PRKG1: variants seen among roughly 807,000 people sequenced by gnomAD.
PRKG1 encodes protein kinase cGMP-dependent 1.
In PRKG1, 35 loss-of-function variants were observed where a neutral mutation model predicts 88.1. The ratio of observed to expected loss-of-function variants is 0.40; its 90% CI spans 0.30 to 0.53. The LOEUF (loss-of-function observed/expected upper bound fraction) is 0.53. Ranked by LOEUF, PRKG1 falls within the 20% of genes least tolerant of loss-of-function variation. The pLI is 0.59. For synonymous variants in PRKG1, 303 were observed against 292.5 expected (o/e 1.04, Z -0.37); for missense variants, 540 against 839.8 (o/e 0.64, Z 4.41).
intron 4 of PRKG1, among the ~76,000 whole-genome samples, chr10:51,866,295 C>G (rs1295883400): frequency 6.6e-6 from 1 of 151,750 alleles, no homozygotes; most frequent in Non-Finnish European, 1.5e-5. Context: ...ATAATCAAAT[C>G]ACAGAATGGT....
intron 3 of PRKG1, among the ~76,000 whole-genome samples, chr10:51,499,231 C>T (rs1840952297): frequency 6.6e-6 from 1 of 152,110 alleles, no homozygotes; most frequent in Non-Finnish European, 1.5e-5. Flanking sequence ...GATACTTGGC[C>T]TTCTAGAAGA....
intron 2 of PRKG1, among the ~76,000 whole-genome samples, chr10:51,243,135 G>A (rs1839198554): frequency 6.6e-6 from 1 of 152,150 alleles, no homozygotes; most frequent in Non-Finnish European, 1.5e-5. Context: ...GGGATTGTAA[G>A]CCCCTTAGCC....
intron 14 of PRKG1, among the ~76,000 whole-genome samples, chr10:52,287,939 T>C (rs1324726672): frequency 6.6e-6 from 1 of 151,996 alleles, no homozygotes; most frequent in East Asian, 1.9e-4. Flanking sequence ...GAAAACAAAC[T>C]CTTCTGGAAG....
chr10:51,626,545 A>C (rs1241787167), intron 3 of PRKG1, among the ~76,000 whole-genome samples: 1 of 152,200 alleles, frequency 6.6e-6, no homozygotes, highest in Non-Finnish European at 1.5e-5. Context: ...ACTTTTGTCC[A>C]AACAACCCAC....
chr10:51,526,846 A>G, intron 3 of PRKG1, among the ~76,000 whole-genome samples: 1 of 152,158 alleles, frequency 6.6e-6, no homozygotes, highest in East Asian at 1.9e-4. Context: ...ACTTCTCTGT[A>G]CATTAGACCC....
intron 1 of PRKG1, among the ~76,000 whole-genome samples, chr10:51,032,154 C>T (rs1843291807): frequency 2.6e-5 from 4 of 152,142 alleles, no homozygotes; most frequent in South Asian, 2.1e-4. Context: ...GTCCTTGGAA[C>T]TCAGCAGAGA....
intron 10 of PRKG1, among the ~76,000 whole-genome samples, chr10:52,264,889 A>C (rs562264362): frequency 6.6e-6 from 1 of 152,070 alleles, no homozygotes; most frequent in South Asian, 2.1e-4. Flanking sequence ...GAATATGAAC[A>C]TAAATGTAAA....
At chr10:51,948,456 A>G (rs1212064751) in intron 5 of PRKG1, among the ~76,000 whole-genome samples, 1 of 152,124 alleles carries the variant, frequency 6.6e-6, no homozygotes, top group African/African-American at 2.4e-5. Context: ...TTAAAAATAT[A>G]CTGCAAGGGA....
At chr10:51,048,147 A>G (rs1843514861) in intron 1 of PRKG1, among the ~76,000 whole-genome samples, 1 of 151,864 alleles carries the variant, frequency 6.6e-6, no homozygotes, top group East Asian at 1.9e-4. Flanking sequence ...ATTCTTTCCC[A>G]TTATTTCTAT....
intron 3 of PRKG1, among the ~76,000 whole-genome samples, chr10:51,559,315 A>G (rs777443047): frequency 2.0e-5 from 3 of 152,122 alleles, no homozygotes; most frequent in African/African-American, 7.2e-5. Flanking sequence ...AGCAGGCTCC[A>G]TTGATTTTCC....
chr10:51,614,163 G>C (rs1412928155), intron 3 of PRKG1, among the ~76,000 whole-genome samples: 1 of 151,632 alleles, frequency 6.6e-6, no homozygotes, highest in African/African-American at 2.4e-5. Flanking sequence ...ATATATCTAG[G>C]TGCTCTTGTG....
intron 1 of PRKG1, among the ~76,000 whole-genome samples, chr10:51,093,927 G>T (rs1844462076): frequency 1.3e-5 from 2 of 150,950 alleles, no homozygotes; most frequent in African/African-American, 4.9e-5. Context: ...TTGGTTTCTT[G>T]AGAGCACTTA....
At chr10:51,858,769 G>A (rs995971276) in intron 4 of PRKG1, among the ~76,000 whole-genome samples, 4 of 151,928 alleles carry the variant, frequency 2.6e-5, no homozygotes, top group African/African-American at 9.7e-5. Context: ...AATGCTTAAA[G>A]TTTTAATTCA....
In PRKG1 at chr10:51,851,855, A is replaced by G. The variant is rs543887220; in HGVS notation, c.698+47165A>G. 5.3e-5 allele frequency among the ~76,000 whole-genome samples: 8 copies of G among 152,226 alleles called. No individual in the cohort carries two copies. The East Asian group carries it at 1.5e-3, about 29-fold the overall frequency. On this transcript the variant is annotated intron_variant, in intron 4 of 17. Transcript: ENST00000373980. Reference sequence around the variant, plus strand: ...AATAAATTAAAAGCTAGTCCATTAGATTAGTAGGACCTGCCATGAGTGCTG... The same window carrying G: ...AATAAATTAAAAGCTAGTCCATTAGGTTAGTAGGACCTGCCATGAGTGCTG...
intron 3 of PRKG1, among the ~76,000 whole-genome samples, chr10:51,754,092 T>C (rs1233398930): frequency 2.0e-5 from 3 of 152,270 alleles, no homozygotes; most frequent in Middle Eastern, 3.4e-3. Context: ...GTCATCTCTG[T>C]GGCTGATTGA....
chr10:52,060,794 G>A (rs533840164), intron 6 of PRKG1, among the ~76,000 whole-genome samples: 31 of 151,994 alleles, frequency 2.0e-4, no homozygotes, highest in South Asian at 1.0e-3. Flanking sequence ...ATTCATAGAC[G>A]TTGGCCCTAG....
intron 3 of PRKG1, among the ~76,000 whole-genome samples, chr10:51,622,397 G>A (rs900880987): frequency 6.6e-6 from 1 of 152,064 alleles, no homozygotes; most frequent in Non-Finnish European, 1.5e-5. Context: ...ATCAAATATC[G>A]AGGAGGAATC....
At chr10:52,001,785 G>T (rs978660268) in intron 5 of PRKG1, among the ~76,000 whole-genome samples, 1 of 151,948 alleles carries the variant, frequency 6.6e-6, no homozygotes, top group African/African-American at 2.4e-5. Flanking sequence ...TACTTGGTAT[G>T]AACTCCTGTT....
intron 4 of PRKG1, among the ~76,000 whole-genome samples, chr10:51,831,435 CA>C (rs1265586987): frequency 3.3e-5 from 5 of 151,736 alleles, no homozygotes; most frequent in African/African-American, 1.2e-4. Flanking sequence ...CTCTACCAGC[CA>C]AGAAAATGTA....
Sources: allele counts gnomAD v4.1 joint callset (sites outside exome capture counted in the v4.1 genomes callset), GRCh38; gene constraint gnomAD v4.1.1; transcripts MANE v1.5; gene names NCBI Gene and HGNC (gene_info 2026-07-23, HGNC 2026-07-21).